Variants in BMP7 observed in about 807,000 individuals in gnomAD.
The protein encoded by BMP7 is bone morphogenetic protein 7.
Under a neutral mutation model 41.2 loss-of-function variants are expected in BMP7, and 12 were observed. The ratio of observed to expected loss-of-function variants is 0.29; its 90% CI spans 0.19 to 0.47. BMP7 has a LOEUF of 0.47. Among genes scored for constraint, BMP7 ranks in the 20% least tolerant of loss-of-function variants. The probability of loss-of-function intolerance (pLI) is 0.99; values close to 1 mark genes in which losing one functional copy is unlikely to be tolerated. For synonymous variants in BMP7, 248 were observed against 250.0 expected (o/e 0.99, Z 0.07); for missense variants, 467 against 606.0 (o/e 0.77, Z 2.41).
chr20:57,195,386 G>A (rs1984467964), intron 3 of BMP7, among the ~76,000 whole-genome samples: 1 of 152,212 alleles, frequency 6.6e-6, no homozygotes, highest in Non-Finnish European at 1.5e-5. Flanking sequence ...CAAGGCCCAA[G>A]TGACAAGTGA....
intron 1 of BMP7, among the ~76,000 whole-genome samples, chr20:57,232,498 T>A (rs2066033130): frequency 6.6e-6 from 1 of 152,218 alleles, no homozygotes; most frequent in South Asian, 2.1e-4. Context: ...ATTAGAGTCA[T>A]GCCCAATGAA....
At position 57,217,885 on chromosome 20, in the gene BMP7, C is replaced by T. The variant is rs576899526; in HGVS notation, c.611+10344G>A. ...AAACAGGGGAAACCAGGCGTGTCTG[C>T]GCATCTGTGTGCTGTGTCTGTGTCT... On this transcript the variant is annotated intron_variant, in intron 2 of 6. Coordinates refer to ENST00000395863, the MANE Select transcript of BMP7 (RefSeq NM_001719.3). 1.1e-4 allele frequency among the ~76,000 whole-genome samples: 16 copies of T among 152,304 alleles called. No individual in the cohort carries two copies. The East Asian group carries it at 1.5e-3, about 15-fold the overall frequency.
chr20:57,170,585 C>T lies in BMP7; in HGVS notation c.*374G>A. ...CAGACACCAATGTGCCCACCCCTTGCCACGCCCCCTTCCTCCCACGGCTGG... is the reference window on the plus strand; with the variant it reads ...CAGACACCAATGTGCCCACCCCTTGTCACGCCCCCTTCCTCCCACGGCTGG... On this transcript the variant is annotated 3_prime_UTR_variant, in exon 7 of 7. Transcript: ENST00000395863. 1 of 338,470 alleles carries T rather than the reference C, an allele frequency of 3.0e-6. No homozygotes were observed. Among genetic ancestry groups the T allele is most frequent in the Non-Finnish European group, 5.8e-6 (1 of 173,912 alleles). The allele number at this position is 338,470 out of a possible 1,614,324, so 21.0% of individuals were successfully genotyped here.
Position 57,228,194 on chromosome 20 carries a change from T to A in BMP7, c.611+35A>T. 6.2e-7 allele frequency: 1 copy of A among 1,608,000 alleles called. No individual in the cohort carries two copies. The highest frequency in any genetic ancestry group is 8.5e-7 in the Non-Finnish European group (1 of 1,176,112). On this transcript the variant is annotated intron_variant, in intron 2 of 6. Coordinates refer to ENST00000395863, the MANE Select transcript of BMP7 (RefSeq NM_001719.3). The surrounding 1 kb of genome is among the most constrained non-coding windows in gnomAD (Gnocchi z 4.5). ...TTCTTCCTCTGCCCCCAGAGGAAAC[T>A]CAGCACCTCTCCCAGATACCCGTAT...
chr20:57,237,671 C>T (rs1360773924), intron 1 of BMP7, among the ~76,000 whole-genome samples: 1 of 152,238 alleles, frequency 6.6e-6, no homozygotes, highest in African/African-American at 2.4e-5. Context: ...AGAGGCCACA[C>T]TGACACACAC....
At chr20:57,240,211 T>G (rs2066063514) in intron 1 of BMP7, among the ~76,000 whole-genome samples, 1 of 152,220 alleles carries the variant, frequency 6.6e-6, no homozygotes, top group Non-Finnish European at 1.5e-5. Flanking sequence ...GCTTAGAAAT[T>G]TCTTCCACCA....
At chr20:57,229,840 C>T (rs1334401246) in intron 1 of BMP7, among the ~76,000 whole-genome samples, 1 of 152,220 alleles carries the variant, frequency 6.6e-6, no homozygotes, top group African/African-American at 2.4e-5. Flanking sequence ...AAGAAGTTCA[C>T]AGCACTGGCA....
intron 2 of BMP7, among the ~76,000 whole-genome samples, chr20:57,209,543 C>T (rs1363930450): frequency 6.6e-6 from 1 of 151,956 alleles, no homozygotes; most frequent in Non-Finnish European, 1.5e-5. Flanking sequence ...AGTTTCCTTT[C>T]GGGGTGATGA....
chr20:57,185,951 T>G (rs1026549450), intron 3 of BMP7, among the ~76,000 whole-genome samples: 3 of 148,524 alleles, frequency 2.0e-5, no homozygotes, highest in African/African-American at 7.5e-5. Context: ...GAGCTTTGCA[T>G]ACCCTAAGTG....
intron 1 of BMP7, among the ~76,000 whole-genome samples, chr20:57,237,562 G>A (rs540210879): frequency 9.2e-5 from 14 of 152,188 alleles, no homozygotes; most frequent in South Asian, 8.3e-4. Flanking sequence ...TGAAAAAGCC[G>A]CCAGAGGCAT....
At chr20:57,231,202 A>G (rs1237069101) in intron 1 of BMP7, among the ~76,000 whole-genome samples, 1 of 152,170 alleles carries the variant, frequency 6.6e-6, no homozygotes, top group African/African-American at 2.4e-5. Context: ...TCCATTTCAC[A>G]GTGCTTGTGT....
chr20:57,212,717 C>G (rs1482333479), intron 2 of BMP7, among the ~76,000 whole-genome samples: 1 of 152,196 alleles, frequency 6.6e-6, no homozygotes, highest in Non-Finnish European at 1.5e-5. Flanking sequence ...TGCAACCCGC[C>G]GTGCACCTGG....
intron 1 of BMP7, among the ~76,000 whole-genome samples, chr20:57,250,371 C>A: frequency 1.4e-5 from 2 of 144,326 alleles, no homozygotes; most frequent in South Asian, 2.2e-4. Flanking sequence ...TATATATACA[C>A]ACACAAAAAA....
At position 57,184,176 on chromosome 20, in the gene BMP7, T is replaced by C. The variant is rs538483126; in HGVS notation, c.761-257A>G. ...GAAGGCAGGCAGGAAATATAAGGGG[T>C]GGGGAACCAGGCTGAGGGGTGCGGA... On this transcript the variant is annotated intron_variant, in intron 3 of 6. Coordinates refer to ENST00000395863, the MANE Select transcript of BMP7 (RefSeq NM_001719.3). Among the ~76,000 whole-genome samples the C allele has an allele frequency of 7.9e-5, 12 of 151,898 alleles. No homozygotes were observed. In the East Asian group the frequency reaches 2.3e-3, roughly 29 times the overall value.
Position 57,265,829 on chromosome 20 carries a change from G to A in BMP7, c.294C>T (p.Pro98=). ...AGGGGTAGGAGAAGCCCTGGCCGCC[G>A]GGCCCGCCGCCCTCCTCCACCGCCA... ...NAMAVEEGGG[P]GGQGFSYPYK... is the part of the protein sequence containing the mutation. Residue 98 remains proline (P), a synonymous_variant, in exon 1 of 7, where the codon CCC becomes CCT. Transcript: ENST00000395863. 6.2e-7 allele frequency: 1 copy of A among 1,606,492 alleles called. No individual in the cohort carries two copies. Among genetic ancestry groups the A allele is most frequent in the Non-Finnish European group, 8.5e-7 (1 of 1,176,970 alleles).
At chr20:57,176,531 G>C (rs1983925574) in intron 4 of BMP7, among the ~76,000 whole-genome samples, 1 of 152,108 alleles carries the variant, frequency 6.6e-6, no homozygotes, top group Non-Finnish European at 1.5e-5. Context: ...GTCAGCCTCT[G>C]AGTGGAGTCT....
At chr20:57,180,016 G>C (rs1318339145) in intron 4 of BMP7, among the ~76,000 whole-genome samples, 3 of 152,072 alleles carry the variant, frequency 2.0e-5, no homozygotes, top group Non-Finnish European at 2.9e-5. Flanking sequence ...AGGTGCACCC[G>C]ATGGAGCTCC....
chr20:57,183,643 A>G (rs997908285), intron 4 of BMP7, 79 bp downstream of exon 4: 64 of 1,582,566 alleles, frequency 4.0e-5, no homozygotes, highest in Non-Finnish European at 5.2e-5. Context: ...ATGGATTTTG[A>G]GTCAGTCTCC....
intron 2 of BMP7, among the ~76,000 whole-genome samples, chr20:57,223,689 C>A (rs1985243892): frequency 6.6e-6 from 1 of 152,210 alleles, no homozygotes; most frequent in Non-Finnish European, 1.5e-5. Flanking sequence ...AGGCATGAAA[C>A]AAAGCTGAAG....
Sources: allele counts gnomAD v4.1 joint callset (sites outside exome capture counted in the v4.1 genomes callset), GRCh38; gene constraint gnomAD v4.1.1; non-coding constraint Gnocchi (gnomAD v3.1); transcripts MANE v1.5; gene names NCBI Gene and HGNC (gene_info 2026-07-23, HGNC 2026-07-21).